Variants in GPHN observed in about 807,000 individuals in gnomAD.
GPHN encodes gephyrin.
In GPHN, 17 loss-of-function variants were observed where a neutral mutation model predicts 95.5. That is an observed-to-expected ratio of 0.18 (90% CI 0.12 to 0.27). The LOEUF is 0.27. Ranked by LOEUF, GPHN falls within the 10% of genes least tolerant of loss-of-function variation. The pLI is 1.00. For synonymous variants in GPHN, 320 were observed against 322.5 expected, an observed-to-expected ratio of 0.99 and a Z score of 0.08; for missense variants, 660 against 978.1, an observed-to-expected ratio of 0.67 and a Z score of 4.34.
At chr14:67,270,290 G>C in the GPHN span, 1 of 152,172 alleles carries the variant, frequency 6.6e-6, no homozygotes, top group African/African-American at 2.4e-5. Flanking sequence ...CATTGAAACA[G>C]CTTCGGCATG....
chr14:67,256,111 A>G, the GPHN span, among the ~76,000 whole-genome samples: 2 of 152,172 alleles, frequency 1.3e-5, no homozygotes, highest in East Asian at 3.8e-4. Flanking sequence ...TTGTGTGAAT[A>G]TTTTGTAAGA....
At chr14:66,930,533 T>TA (rs535461771) in intron 8 of GPHN, among the ~76,000 whole-genome samples, 268 of 151,056 alleles carry the variant, frequency 1.8e-3, no homozygotes, top group Non-Finnish European at 3.0e-3. Context: ...AGGTTTTTTT[T>TA]TTTTTTTTTT....
chr14:67,593,489 T>C, the GPHN span: 1 of 301,584 alleles, frequency 3.3e-6, no homozygotes, highest in African/African-American at 7.4e-5. Context: ...AGACCCTGTC[T>C]CAAAAAAAAA....
chr14:67,016,741 C>T lies in GPHN; in HGVS notation c.964-6892C>T, dbSNP rs573514141. On this transcript the variant is annotated intron_variant, in intron 9 of 22. Transcript: ENST00000478722. ...TAGCAGAGCTAATCTCAGACCTTTA[C>T]TCAGACTTTTTCTGTAGCTTTAGTC... 2.4e-4 allele frequency among the ~76,000 whole-genome samples: 36 copies of T among 152,224 alleles called. 1 individual carries two copies. The South Asian group carries it at 3.7e-3, about 16-fold the overall frequency.
At chr14:67,651,584 G>GT in the GPHN span, 1 of 1,322,822 alleles carries the variant, frequency 7.6e-7, no homozygotes. Flanking sequence ...CTCTGAGGCT[G>GT]TATGTTTGAT....
the GPHN span, among the ~76,000 whole-genome samples, chr14:67,463,455 C>T: frequency 1.3e-5 from 2 of 151,874 alleles, no homozygotes; most frequent in Admixed American, 6.6e-5. Context: ...CTGACTAACA[C>T]GATGAAACCT....
chr14:66,576,800 G>A (rs982665782), intron 1 of GPHN, among the ~76,000 whole-genome samples: 1 of 152,094 alleles, frequency 6.6e-6, no homozygotes, highest in African/African-American at 2.4e-5. Context: ...GCTATCTTCT[G>A]TATTTAATTA....
intron 9 of GPHN, among the ~76,000 whole-genome samples, chr14:66,973,739 CAG>C (rs2069992910): frequency 6.6e-6 from 1 of 151,878 alleles, no homozygotes; most frequent in Non-Finnish European, 1.5e-5. Flanking sequence ...AGACTGGTGA[CAG>C]AGCAAGACTC....
chr14:67,534,054 A>G, the GPHN span, among the ~76,000 whole-genome samples: 51 of 152,032 alleles, frequency 3.4e-4, no homozygotes, highest in African/African-American at 1.2e-3. Context: ...CCACCTCATA[A>G]AACTCTTCCA....
At chr14:67,545,501 C>CT in the GPHN span, among the ~76,000 whole-genome samples, 10 of 151,958 alleles carry the variant, frequency 6.6e-5, no homozygotes, top group Non-Finnish European at 5.9e-5. Flanking sequence ...AAAGGAAAGT[C>CT]TATTAAATAC....
At chr14:66,658,131 C>CAG (rs2065413477) in intron 1 of GPHN, among the ~76,000 whole-genome samples, 1 of 152,016 alleles carries the variant, frequency 6.6e-6, no homozygotes, top group Non-Finnish European at 1.5e-5. Context: ...GGGTTTATGA[C>CAG]TTCATTGGTG....
At chr14:67,144,250 A>ATATATGTGT (rs1555502004) in intron 18 of GPHN, among the ~76,000 whole-genome samples, 1 of 57,772 alleles carries the variant, frequency 1.7e-5, no homozygotes, top group African/African-American at 8.0e-5. Context: ...AAAAAAAAAA[A>ATATATGTGT]ATATATATAT....
chr14:67,350,503 T>A, the GPHN span: 2 of 859,638 alleles, frequency 2.3e-6, no homozygotes, highest in South Asian at 3.5e-5. Context: ...TATTACTATA[T>A]CATTTGTCCT....
the GPHN span, chr14:67,684,876 C>A: frequency 6.9e-6 from 4 of 577,160 alleles, no homozygotes; most frequent in Non-Finnish European, 1.2e-5. Flanking sequence ...AATTCCCCTA[C>A]TAAAAGGTAA....
the GPHN span, among the ~76,000 whole-genome samples, chr14:67,311,174 TGTG>T: frequency 6.6e-6 from 1 of 151,762 alleles, no homozygotes; most frequent in Non-Finnish European, 1.5e-5. Context: ...AGCTGGGCGT[TGTG>T]GTGAGTGCCT....
At chr14:66,924,362 C>A in intron 8 of GPHN, 70 bp downstream of exon 8, 1 of 851,426 alleles carries the variant, frequency 1.2e-6, no homozygotes, top group Non-Finnish European at 2.0e-6. Flanking sequence ...TGGAGATAGG[C>A]TGTAACATAT....
intron 1 of GPHN, among the ~76,000 whole-genome samples, chr14:66,517,903 C>T (rs1378938899): frequency 6.6e-6 from 1 of 151,682 alleles, no homozygotes; most frequent in Non-Finnish European, 1.5e-5. Flanking sequence ...TAAATAAGAC[C>T]TCAAAAGCAC....
intron 9 of GPHN, chr14:66,996,193 G>A (rs937745304): frequency 2.6e-6 from 4 of 1,533,406 alleles, no homozygotes; most frequent in African/African-American, 1.4e-5. Flanking sequence ...CTTCCCTCGT[G>A]CTCATCTACC....
At chr14:67,733,920 C>T in the GPHN span, 2 of 1,143,158 alleles carry the variant, frequency 1.7e-6, no homozygotes, top group Non-Finnish European at 2.6e-6. Context: ...AGAAGGCCAA[C>T]CCTAAAGGAT....
Sources: allele counts gnomAD v4.1 joint callset (sites outside exome capture counted in the v4.1 genomes callset), GRCh38; gene constraint gnomAD v4.1.1; transcripts MANE v1.5; gene names NCBI Gene and HGNC (gene_info 2026-07-23, HGNC 2026-07-21).